Variants in SPAG6 observed in about 807,000 individuals in gnomAD.
SPAG6 encodes the protein sperm-associated antigen 6.
Under a neutral mutation model 58.5 loss-of-function variants are expected in SPAG6, and 49 were observed. The ratio of observed to expected loss-of-function variants is 0.84; its 90% CI spans 0.67 to 1.06. The LOEUF is 1.06. SPAG6 is among the 50% of genes least tolerant of loss of function. SPAG6 has a pLI of 0.00. For missense variants in SPAG6, 560 were observed against 611.3 expected (o/e 0.92, Z 0.89); for synonymous variants, 233 against 225.6 (o/e 1.03, Z -0.29).
chr10:22,379,984 GGGTCTCTCT>G (rs1833912013), intron 4 of SPAG6, among the ~76,000 whole-genome samples: 2 of 152,184 alleles, frequency 1.3e-5, no homozygotes, highest in South Asian at 4.1e-4. Flanking sequence ...TTTGGAGACA[GGGTCTCTCT>G]CTGTTTCCCA....
intron 10 of SPAG6, among the ~76,000 whole-genome samples, chr10:22,414,674 A>G (rs1278234328): frequency 6.6e-6 from 1 of 152,266 alleles, no homozygotes; most frequent in East Asian, 1.9e-4. Context: ...ATAAACTGAC[A>G]CTTGATTCAG....
chr10:22,360,321 T>G (rs970128936), intron 2 of SPAG6, among the ~76,000 whole-genome samples: 1 of 144,912 alleles, frequency 6.9e-6, no homozygotes, highest in South Asian at 2.2e-4. Flanking sequence ...TTTTTGTTTG[T>G]TTTTTTTTTT....
rs1243117376 is a variant in SPAG6, at chr10:22,345,727, C to T, written c.30C>T (p.Phe10=). 6.2e-7 allele frequency: 1 copy of T among 1,612,004 alleles called. No homozygotes were observed. The highest frequency in any genetic ancestry group is 1.3e-5 in the African/African-American group (1 of 74,982). MSQRQVLQV[F]EQYQKARTQF... ...CACCGACTCTCTCTCCCGCAGTGTT[C>T]GAGCAATACCAGAAGGCCAGGACCC... The change falls in exon 2 of 11, where the codon TTC becomes TTT. Residue 10 remains phenylalanine (F), a synonymous_variant. Transcript: ENST00000376624. The surrounding 1 kb of genome is among the most constrained non-coding windows in gnomAD (Gnocchi z 6.3).
chr10:22,363,912 T>A (rs1837117936), intron 2 of SPAG6, among the ~76,000 whole-genome samples: 1 of 152,210 alleles, frequency 6.6e-6, no homozygotes, highest in African/African-American at 2.4e-5. Context: ...TTGAATTCTG[T>A]CATTACATTT....
chr10:22,389,448 C>A, intron 7 of SPAG6, 136 bp downstream of exon 7: 2 of 802,528 alleles, frequency 2.5e-6, no homozygotes, highest in Non-Finnish European at 1.9e-6. Context: ...TTGATTGTTT[C>A]AATGCTTATT....
At chr10:22,411,993 C>T (rs747702359) in intron 10 of SPAG6, among the ~76,000 whole-genome samples, 1 of 151,898 alleles carries the variant, frequency 6.6e-6, no homozygotes, top group African/African-American at 2.4e-5. Flanking sequence ...GTACTACAGA[C>T]GCCCGCCATC....
Position 22,368,671 on chromosome 10 carries a change from T to C in SPAG6, c.465T>C (p.His155=). ...GGGCACTTAGATATATTGCAAGACA[T>C]AATGCAGGTAATTTAAAATATGCAG... ...AAWALRYIAR[H]NAELSQAVVD... Residue 155 remains histidine (H), a synonymous_variant, in exon 4 of 11, where the codon CAT becomes CAC. Coordinates refer to ENST00000376624, the MANE Select transcript of SPAG6 (RefSeq NM_012443.4). 6.2e-7 allele frequency: 1 copy of C among 1,607,412 alleles called. No individual in the cohort carries two copies. Among genetic ancestry groups the C allele is most frequent in the Non-Finnish European group, 8.5e-7 (1 of 1,176,270 alleles).
At chr10:22,363,899 A>G (rs1054935248) in intron 2 of SPAG6, among the ~76,000 whole-genome samples, 2 of 152,212 alleles carry the variant, frequency 1.3e-5, no homozygotes, top group Non-Finnish European at 2.9e-5. Context: ...ACTTTGTTAT[A>G]TTTTGAATTC....
intron 7 of SPAG6, 142 bp from the exon 8 acceptor site, chr10:22,391,587 C>A: frequency 1.6e-6 from 1 of 640,890 alleles, no homozygotes; most frequent in Admixed American, 3.1e-5. Flanking sequence ...AATGACAGCC[C>A]CTGTGATGTG....
chr10:22,368,824 C>A, intron 4 of SPAG6, 146 bp downstream of exon 4: 1 of 561,448 alleles, frequency 1.8e-6, no homozygotes, highest in Non-Finnish European at 3.0e-6. Flanking sequence ...TGAATGATGG[C>A]CAAGTTGTTT....
chr10:22,390,043 C>T (rs1834152225), intron 7 of SPAG6, among the ~76,000 whole-genome samples: 1 of 152,138 alleles, frequency 6.6e-6, no homozygotes, highest in Non-Finnish European at 1.5e-5. Context: ...AGAAAACCTG[C>T]TGCTGTATGT....
In SPAG6 at chr10:22,345,583, C is replaced by T. The variant is rs775295289; in HGVS notation, c.-29C>T. 6.6e-7 allele frequency: 1 copy of T among 1,523,354 alleles called. No individual in the cohort carries two copies. The highest frequency in any genetic ancestry group is 2.5e-5 in the East Asian group (1 of 40,122). The allele number at this position is 1,523,354 out of a possible 1,614,324, so 94.4% of individuals were successfully genotyped here. ...GGCCGAGCGGCTTCCCCGCAGAGCT[C>T]GAGGAGGGCAGACGGCGGCGGGGGC... On this transcript the variant is annotated 5_prime_UTR_variant, in exon 1 of 11. Transcript: ENST00000376624. This position sits in a 1 kb window ranked among gnomAD's most constrained non-coding sequence, Gnocchi z 6.3.
At chr10:22,371,933 C>T (rs947612867) in intron 4 of SPAG6, among the ~76,000 whole-genome samples, 1 of 151,890 alleles carries the variant, frequency 6.6e-6, no homozygotes, top group Non-Finnish European at 1.5e-5. Context: ...CAACTGTGTA[C>T]AAATCATATC....
In SPAG6 at chr10:22,384,718, C is replaced by T. The variant is rs190255287; in HGVS notation, c.473-2036C>T. Among the ~76,000 whole-genome samples, 337 of 152,240 alleles carry T rather than the reference C, an allele frequency of 2.2e-3. 1 individual carries two copies. The highest frequency in any genetic ancestry group is 3.9e-3 in the Non-Finnish European group (266 of 68,022). On this transcript the variant is annotated intron_variant, in intron 4 of 10. Transcript: ENST00000376624. ...GCAAATCTTTTTCCACTGCCATCCC[C>T]GGCCTTCCCCACATTTAACATTGCT...
chr10:22,394,209 A>G (rs897771211), intron 8 of SPAG6, among the ~76,000 whole-genome samples: 4 of 152,172 alleles, frequency 2.6e-5, no homozygotes, highest in African/African-American at 7.2e-5. Context: ...ATTTGCTCCC[A>G]TGTTATTCCA....
At position 22,345,648 on chromosome 10, in the gene SPAG6, G is replaced by C; in HGVS notation, c.25+12G>C. 6.4e-7 allele frequency: 1 copy of C among 1,551,912 alleles called. No homozygotes were observed. Among genetic ancestry groups the C allele is most frequent in the South Asian group, 1.2e-5 (1 of 84,536 alleles). ...GCAGGTGCTGCAAGGTAGGGCCGAG[G>C]CGGGCAGGTGCCCTAACTAGCTGGC... is the stretch of plus-strand genomic sequence containing the variant. On this transcript the variant is annotated intron_variant, in intron 1 of 10. Transcript: ENST00000376624. This position sits in a 1 kb window ranked among gnomAD's most constrained non-coding sequence, Gnocchi z 6.3.
chr10:22,398,548 G>C (rs1214404512), intron 8 of SPAG6, among the ~76,000 whole-genome samples: 1 of 152,158 alleles, frequency 6.6e-6, no homozygotes, highest in East Asian at 1.9e-4. Flanking sequence ...GCAACATAGT[G>C]AGACCCTATC....
At position 22,413,066 on chromosome 10, in the gene SPAG6, C is replaced by CAAAAAAAAA. The variant is rs775680159; in HGVS notation, c.1460+1904_1460+1912dup. On this transcript the variant is annotated intron_variant, in intron 10 of 10. Transcript: ENST00000376624. Reference sequence around the variant, plus strand: ...TTTGTTACAAAGTTACAGAAAGATGCAAAAAAAAAAAAAAAAAAAAAAGAA... The same window carrying CAAAAAAAAA: ...TTTGTTACAAAGTTACAGAAAGATGCAAAAAAAAAAAAAAAAAAAAAAAAAAAAAAAGAA... The CAAAAAAAAA allele has an allele frequency of 1.4e-3, 62 of 43,218 alleles. 1 individual carries two copies. Among genetic ancestry groups the CAAAAAAAAA allele is most frequent in the East Asian group, 4.2e-3 (6 of 1,414 alleles). The allele number at this position is 43,218 out of a possible 1,614,324, so 2.7% of individuals were successfully genotyped here.
intron 4 of SPAG6, among the ~76,000 whole-genome samples, chr10:22,374,151 T>C (rs1005015940): frequency 3.3e-5 from 5 of 152,232 alleles, no homozygotes; most frequent in Admixed American, 1.3e-4. Flanking sequence ...GAATGTAATA[T>C]ATAAGCTCAG....
Sources: allele counts gnomAD v4.1 joint callset (sites outside exome capture counted in the v4.1 genomes callset), GRCh38; gene constraint gnomAD v4.1.1; non-coding constraint Gnocchi (gnomAD v3.1); transcripts MANE v1.5; gene names NCBI Gene and HGNC (gene_info 2026-07-23, HGNC 2026-07-21).